SYTL3: variants seen among roughly 807,000 people sequenced by gnomAD.
SYTL3 encodes the protein synaptotagmin-like protein 3.
In SYTL3, 88 loss-of-function variants were observed where a neutral mutation model predicts 82.1. The ratio of observed to expected loss-of-function variants is 1.07; its 90% CI spans 0.90 to 1.28. The LOEUF (loss-of-function observed/expected upper bound fraction) is 1.28, where lower values mean the gene tolerates loss of function less well. SYTL3 is among the 50% of genes most tolerant of loss of function. The pLI, the probability that SYTL3 is intolerant of heterozygous loss-of-function variation, is 0.00. For missense variants in SYTL3, 831 were observed against 757.6 expected (o/e 1.10, Z -1.14); for synonymous variants, 311 against 289.4 (o/e 1.07, Z -0.76).
intron 6 of SYTL3, among the ~76,000 whole-genome samples, chr6:158,683,289 C>T (rs984607121): frequency 6.9e-6 from 1 of 145,412 alleles, no homozygotes; most frequent in Non-Finnish European, 1.5e-5. Flanking sequence ...GGCACAATCT[C>T]GGCTCACTGC....
chr6:158,726,475 C>A, intron 11 of SYTL3: 1 of 183,256 alleles, frequency 5.5e-6, no homozygotes, highest in South Asian at 1.2e-4. Flanking sequence ...GGCCTTGAGC[C>A]ATTTCATAGA....
chr6:158,753,956 TTAATAGAAA>T lies in SYTL3; in HGVS notation c.1137+1929_1137+1937del, dbSNP rs1259847842. ...AACCCAACACCGGCCAGCCTCATCC[TTAATAGAAA>T]TATGCATAAGATGCGAAGGATGGGA... On this transcript the variant is annotated intron_variant, in intron 13 of 17. Transcript: ENST00000611299. 1.8e-4 allele frequency among the ~76,000 whole-genome samples: 28 copies of T among 152,108 alleles called. 1 individual carries two copies. The highest frequency in any genetic ancestry group is 1.7e-3 in the East Asian group (9 of 5,170).
In SYTL3 at chr6:158,671,099, C is replaced by T. The variant is rs565604995; in HGVS notation, c.329+5486C>T. Among the ~76,000 whole-genome samples the T allele has an allele frequency of 4.5e-3, 677 of 152,046 alleles. 6 individuals carry two copies. The highest frequency in any genetic ancestry group is 0.015 in the African/African-American group (636 of 41,458). On this transcript the variant is annotated intron_variant, in intron 5 of 17. Coordinates refer to ENST00000611299, the MANE Select transcript of SYTL3 (RefSeq NM_001242394.2). ...GATTACAGGCGTGAGCCACGGCGCC[C>T]GGCCTATGGAGTACTTTTTAGAAAA...
chr6:158,670,325 C>G (rs768327778), intron 5 of SYTL3, among the ~76,000 whole-genome samples: 6 of 151,924 alleles, frequency 3.9e-5, no homozygotes, highest in Non-Finnish European at 7.3e-5. Context: ...AGGTCTAACT[C>G]TGCTAACTCT....
chr6:158,694,958 C>T (rs892523320), intron 6 of SYTL3, among the ~76,000 whole-genome samples: 3 of 152,126 alleles, frequency 2.0e-5, no homozygotes, highest in Admixed American at 1.3e-4. Flanking sequence ...GAGGAAGAAC[C>T]ATGATTAGGT....
chr6:158,722,322 C>A (rs1435370154), intron 10 of SYTL3, among the ~76,000 whole-genome samples: 2 of 151,948 alleles, frequency 1.3e-5, no homozygotes, highest in African/African-American at 4.8e-5. Context: ...CCACTCTGCC[C>A]AGCTAATTTT....
chr6:158,742,435 A>C (rs1232141444), intron 11 of SYTL3, among the ~76,000 whole-genome samples: 1 of 152,190 alleles, frequency 6.6e-6, no homozygotes, highest in Non-Finnish European at 1.5e-5. Context: ...CCATTTCCAG[A>C]TGACTCTTCC....
At position 158,760,570 on chromosome 6, in the gene SYTL3, A is replaced by C. The variant is rs912513920; in HGVS notation, c.1309-70A>C. 28 of 1,388,398 alleles carry C rather than the reference A, an allele frequency of 2.0e-5. No individual in the cohort carries two copies. The African/African-American group carries it at 3.6e-4, about 18-fold the overall frequency. The allele number at this position is 1,388,398 out of a possible 1,614,324, so 86.0% of individuals were successfully genotyped here. A position where few individuals can be genotyped will look rare whatever the true frequency, so the allele number is the denominator to read the frequency against. On this transcript the variant is annotated intron_variant, in intron 14 of 17. Transcript: ENST00000611299. Reference sequence around the variant, plus strand: ...AAGCATCTGTGGACGAAGCTGAGACAACCAGAGGAACCCAGAAGGTTCTTG... The same window carrying C: ...AAGCATCTGTGGACGAAGCTGAGACCACCAGAGGAACCCAGAAGGTTCTTG...
chr6:158,752,124 G>A, intron 13 of SYTL3, 94 bp downstream of exon 13: 1 of 725,794 alleles, frequency 1.4e-6, no homozygotes, highest in Admixed American at 3.6e-5. Context: ...TCAAACTCTT[G>A]ACTCAGTTAG....
chr6:158,737,957 C>T (rs1424634013), intron 11 of SYTL3, among the ~76,000 whole-genome samples: 2 of 152,230 alleles, frequency 1.3e-5, no homozygotes, highest in African/African-American at 4.8e-5. Flanking sequence ...TGGGGCATGA[C>T]TCAACCTGCC....
At chr6:158,704,225 C>T (rs1037158065) in intron 6 of SYTL3, among the ~76,000 whole-genome samples, 11 of 152,152 alleles carry the variant, frequency 7.2e-5, no homozygotes, top group South Asian at 4.1e-4. Flanking sequence ...GGAACGGGCA[C>T]GCCTGCCCTT....
Position 158,742,650 on chromosome 6 carries a change from A to G in SYTL3, c.856-2830A>G, listed in dbSNP as rs1385763931. 4.7e-5 allele frequency among the ~76,000 whole-genome samples: 7 copies of G among 149,908 alleles called. No homozygotes were observed. In the East Asian group the frequency reaches 5.9e-4, roughly 13 times the overall value. The stretch of plus-strand genomic sequence containing the variant: ...GAGTGCAGTGGTGTGATCTTGGCTC[A>G]CTACAACCTCCGCCTCCTGGATTCA... On this transcript the variant is annotated intron_variant, in intron 11 of 17. Transcript: ENST00000611299.
At position 158,763,454 on chromosome 6, in the gene SYTL3, T is replaced by A. The variant is rs767825398; in HGVS notation, c.1668T>A (p.Asp556Glu). 54 of 1,614,070 alleles carry A rather than the reference T, an allele frequency of 3.3e-5. No homozygotes were observed. The African/African-American group carries it at 3.9e-4, about 12-fold the overall frequency. Residue 556 changes from aspartate to glutamate, a missense_variant, in exon 17 of 18, where the codon GAT becomes GAA. Asp to Glu is a conservative substitution (Grantham distance 45). Transcript: ENST00000611299. ...CAAGCTTGGAGTTAACTGTCTGGGATCAGGCCCTCTTTGGAATGAACGACC... is the reference window on the plus strand; with the variant it reads ...CAAGCTTGGAGTTAACTGTCTGGGAACAGGCCCTCTTTGGAATGAACGACC... ...RQSSLELTVW[D>E]QALFGMNDRL...
chr6:158,684,173 T>C (rs980144259), intron 6 of SYTL3, among the ~76,000 whole-genome samples: 1 of 152,156 alleles, frequency 6.6e-6, no homozygotes, highest in Non-Finnish European at 1.5e-5. Context: ...GTGTCCAGTG[T>C]GTGGCATTGT....
At chr6:158,676,839 A>T (rs1300471154) in intron 5 of SYTL3, among the ~76,000 whole-genome samples, 1 of 152,200 alleles carries the variant, frequency 6.6e-6, no homozygotes, top group African/African-American at 2.4e-5. Flanking sequence ...AGAAATGCAA[A>T]TCAAAACCAC....
At chr6:158,759,058 AATCCCCCGT>A (rs1789550052) in intron 14 of SYTL3, among the ~76,000 whole-genome samples, 1 of 152,166 alleles carries the variant, frequency 6.6e-6, no homozygotes, top group Non-Finnish European at 1.5e-5. Flanking sequence ...TCCGAGGCTG[AATCCCCCGT>A]GCACCCTGCC....
chr6:158,689,742 C>T (rs530147159), intron 6 of SYTL3, among the ~76,000 whole-genome samples: 6 of 152,150 alleles, frequency 3.9e-5, no homozygotes, highest in Middle Eastern at 3.4e-3. Flanking sequence ...CAACCTCCAC[C>T]GCCTAGGTTC....
chr6:158,670,943 C>G (rs746028134), intron 5 of SYTL3, among the ~76,000 whole-genome samples: 3 of 151,716 alleles, frequency 2.0e-5, no homozygotes, highest in Non-Finnish European at 4.4e-5. Context: ...GCTGGGACTA[C>G]AGGCGCCCAC....
chr6:158,647,348 A>G (rs1003686065), upstream of SYTL3, among the ~76,000 whole-genome samples: 4 of 152,236 alleles, frequency 2.6e-5, no homozygotes, highest in African/African-American at 4.8e-5. Context: ...CAGTAAACGG[A>G]TGAGCTGGTC....
Sources: allele counts gnomAD v4.1 joint callset (sites outside exome capture counted in the v4.1 genomes callset), GRCh38; gene constraint gnomAD v4.1.1; transcripts MANE v1.5; gene names NCBI Gene and HGNC (gene_info 2026-07-23, HGNC 2026-07-21).